Variants in DNAH17 observed in about 807,000 individuals in gnomAD.
The protein encoded by DNAH17 is dynein axonemal heavy chain 17, also known as axonemal beta dynein heavy chain 17.
Under a neutral mutation model 485.6 loss-of-function variants are expected in DNAH17, and 376 were observed. The ratio of observed to expected loss-of-function variants is 0.77; its 90% CI spans 0.71 to 0.84. The LOEUF (loss-of-function observed/expected upper bound fraction) is 0.84. Among genes scored for constraint, DNAH17 ranks in the 40% least tolerant of loss-of-function variants. The probability of loss-of-function intolerance (pLI) is 0.00; values close to 1 mark genes in which losing one functional copy is unlikely to be tolerated. For synonymous variants in DNAH17, 3,031 were observed against 2,405.9 expected (o/e 1.26, Z -7.60); for missense variants, 6,370 against 5,839.3 (o/e 1.09, Z -2.96).
chr17:78,551,158 T>C (rs1031303261), intron 16 of DNAH17, among the ~76,000 whole-genome samples: 6 of 152,202 alleles, frequency 3.9e-5, no homozygotes, highest in Admixed American at 2.0e-4. Flanking sequence ...AGAAGGCTAA[T>C]GAAGGATTCC....
chr17:78,431,458 C>CCG (rs1331606304), intron 75 of DNAH17, among the ~76,000 whole-genome samples: 1 of 148,714 alleles, frequency 6.7e-6, no homozygotes, highest in Non-Finnish European at 1.5e-5. Flanking sequence ...ACCCCCCACC[C>CCG]CGAGACTCCT....
chr17:78,499,946 A>G (rs1341733674), intron 36 of DNAH17: 1 of 194,176 alleles, frequency 5.1e-6, no homozygotes, highest in Admixed American at 5.5e-5. Context: ...CCCCTCCCAA[A>G]CCCACCTGGA....
intron 57 of DNAH17, 90 bp from the exon 58 acceptor site, chr17:78,461,798 G>C: frequency 7.5e-7 from 1 of 1,339,638 alleles, no homozygotes; most frequent in Middle Eastern, 2.0e-4. Flanking sequence ...GGGAGCCACA[G>C]AGGGGCAGAA....
chr17:78,563,479 A>G (rs1257213158), intron 11 of DNAH17, among the ~76,000 whole-genome samples: 1 of 147,942 alleles, frequency 6.8e-6, no homozygotes, highest in African/African-American at 2.5e-5. Flanking sequence ...TCAGAAAAAT[A>G]GAAAAAAACC....
intron 42 of DNAH17, among the ~76,000 whole-genome samples, chr17:78,491,804 C>T (rs566697467): frequency 6.6e-6 from 1 of 152,214 alleles, no homozygotes; most frequent in Non-Finnish European, 1.5e-5. Flanking sequence ...CGACCCTGCA[C>T]CCTCCCTGTC....
intron 15 of DNAH17, 127 bp downstream of exon 15, chr17:78,552,570 T>G (rs1483070397): frequency 4.0e-6 from 2 of 500,926 alleles, no homozygotes; most frequent in Admixed American, 6.1e-5. Flanking sequence ...TTTAGCCCCC[T>G]TGAAGTTAAA....
chr17:78,486,348 A>G lies in DNAH17; in HGVS notation c.6977T>C (p.Leu2326Pro). Residue 2326 changes from leucine (L) to proline (P), a missense_variant, in exon 45 of 81, where the codon CTG becomes CCG. By Grantham distance (98) the Leu-to-Pro change is moderately conservative (BLOSUM62 -3). Coordinates refer to ENST00000389840, the MANE Select transcript of DNAH17 (RefSeq NM_173628.4). ...VPEITVIQTI[L>P]YLLECLLTEK... ...CGTGAGCAGGCACTCCAGCAGGTAC[A>G]GAATCGTTTGGATCACCGTGATCTC... 6.2e-7 allele frequency: 1 copy of G among 1,613,902 alleles called. No homozygotes were observed. Among genetic ancestry groups the G allele is most frequent in the South Asian group, 1.1e-5 (1 of 91,080 alleles).
At chr17:78,488,394 G>A (rs1443540305) in intron 44 of DNAH17, among the ~76,000 whole-genome samples, 1 of 152,148 alleles carries the variant, frequency 6.6e-6, no homozygotes, top group African/African-American at 2.4e-5. Flanking sequence ...CAATACTCAG[G>A]TCTCCTCCTC....
Position 78,437,677 on chromosome 17 carries a change from G to A in DNAH17, c.11997C>T (p.His3999=), listed in dbSNP as rs781685140. 1.1e-5 allele frequency: 18 copies of A among 1,611,612 alleles called. No individual in the cohort carries two copies. Among genetic ancestry groups the A allele is most frequent in the Middle Eastern group, 3.3e-4 (2 of 6,038 alleles). ...KITNEPPTGM[H]ANLHKALDLF... ...GGTCCAGGGCCTTGTGCAAGTTGGC[G>A]TGCATGCCCGTGGGGGGCTCGTTGG... The change falls in exon 74 of 81, where the codon CAC becomes CAT. Residue 3999 remains histidine, a synonymous_variant. Transcript: ENST00000389840.
At position 78,575,708 on chromosome 17, in the gene DNAH17, G is replaced by A. The variant is rs184011971; in HGVS notation, c.-25-626C>T. On this transcript the variant is annotated intron_variant, in intron 1 of 80. Coordinates refer to ENST00000389840, the MANE Select transcript of DNAH17 (RefSeq NM_173628.4). ...CCCCTCACAAGCTGCTCAGATGCTC[G>A]GGGGTAGGGTTAACTAGAGAATTGG... 3.3e-5 allele frequency among the ~76,000 whole-genome samples: 5 copies of A among 152,156 alleles called. No individual in the cohort carries two copies. In the East Asian group the frequency reaches 5.8e-4, roughly 18 times the overall value.
chr17:78,529,103 G>A (rs902072244), intron 22 of DNAH17, among the ~76,000 whole-genome samples: 2 of 152,104 alleles, frequency 1.3e-5, no homozygotes, highest in East Asian at 1.9e-4. Flanking sequence ...GCCACAGCTG[G>A]CTAATTTTCT....
At chr17:78,552,975 A>T (rs2091936877) in intron 14 of DNAH17, among the ~76,000 whole-genome samples, 170 bp from the exon 15 acceptor site, 1 of 152,038 alleles carries the variant, frequency 6.6e-6, no homozygotes, top group Admixed American at 6.6e-5. Flanking sequence ...GCCTGGTGGG[A>T]GGTGACTGGA....
intron 55 of DNAH17, among the ~76,000 whole-genome samples, chr17:78,467,056 G>C (rs893058765): frequency 6.6e-6 from 1 of 152,210 alleles, no homozygotes; most frequent in African/African-American, 2.4e-5. Flanking sequence ...AGGGGCCCTT[G>C]CCTCTCTAAA....
At chr17:78,461,398 G>T in intron 58 of DNAH17, 146 bp downstream of exon 58, 1 of 841,158 alleles carries the variant, frequency 1.2e-6, no homozygotes, top group Non-Finnish European at 1.7e-6. Flanking sequence ...TCCTTCGGGG[G>T]TCCCACTGGT....
chr17:78,466,032 G>A (rs1311163932), intron 56 of DNAH17, among the ~76,000 whole-genome samples: 3 of 152,118 alleles, frequency 2.0e-5, no homozygotes, highest in Non-Finnish European at 2.9e-5. Context: ...GATGGTTGCC[G>A]TGTCTGTGTA....
rs569041679 is a variant in DNAH17 at position 78,498,990 on chromosome 17, G to T, written c.5745+18C>A. 7.0e-6 allele frequency: 11 copies of T among 1,582,422 alleles called. No homozygotes were observed. The East Asian group carries it at 2.3e-4, about 33-fold the overall frequency. On this transcript the variant is annotated intron_variant, in intron 37 of 80. Coordinates refer to ENST00000389840, the MANE Select transcript of DNAH17 (RefSeq NM_173628.4). Reference sequence around the variant, plus strand: ...AGTCACCCGACGTGACCCCGAGGCCGCAGGCAGGGGACTTTACCTGCACGG... The same window carrying T: ...AGTCACCCGACGTGACCCCGAGGCCTCAGGCAGGGGACTTTACCTGCACGG...
chr17:78,529,260 G>A (rs1251778723), intron 22 of DNAH17, among the ~76,000 whole-genome samples: 1 of 152,018 alleles, frequency 6.6e-6, no homozygotes, highest in Non-Finnish European at 1.5e-5. Context: ...GGAACGGAGG[G>A]AGCACTGGCC....
At position 78,532,455 on chromosome 17, in the gene DNAH17, A is replaced by T; in HGVS notation, c.3114+27T>A. ...CTCCTGGAAGACTCTGGAGACAAGG[A>T]GGCTGGTGGGTGAGGTCTGCACGCA... On this transcript the variant is annotated intron_variant, in intron 20 of 80. Transcript: ENST00000389840. The T allele has an allele frequency of 2.5e-6, 4 of 1,585,246 alleles. No homozygotes were observed. The African/African-American group carries it at 5.4e-5, about 21-fold the overall frequency.
chr17:78,455,002 C>T (rs1388968918), intron 63 of DNAH17, among the ~76,000 whole-genome samples: 1 of 152,170 alleles, frequency 6.6e-6, no homozygotes. Flanking sequence ...CTCTGTCTCT[C>T]GAGTTCAAGA....
Sources: allele counts gnomAD v4.1 joint callset (sites outside exome capture counted in the v4.1 genomes callset), GRCh38; gene constraint gnomAD v4.1.1; transcripts MANE v1.5; gene names NCBI Gene and HGNC (gene_info 2026-07-23, HGNC 2026-07-21).